CCDC93: variants seen among roughly 807,000 people sequenced by gnomAD.
CCDC93 encodes the protein coiled-coil domain-containing protein 93.
CCDC93 carries 61 observed loss-of-function variants against 108.2 expected under a neutral mutation model. The ratio of observed to expected loss-of-function variants is 0.56; its 90% CI spans 0.46 to 0.70. CCDC93 has a LOEUF of 0.70. Among genes scored for constraint, CCDC93 ranks in the 30% least tolerant of loss-of-function variants. CCDC93 has a pLI of 0.00. For synonymous variants in CCDC93, 276 were observed against 260.4 expected (o/e 1.06, Z -0.58); for missense variants, 685 against 764.2 (o/e 0.90, Z 1.22).
Position 117,956,691 on chromosome 2 carries a change from C to T in CCDC93, c.1005+1674G>A, listed in dbSNP as rs189464839. 2.8e-3 allele frequency among the ~76,000 whole-genome samples: 426 copies of T among 152,264 alleles called. 7 individuals are homozygous for T. Among genetic ancestry groups the T allele is most frequent in the Non-Finnish European group, 6.3e-4 (43 of 68,022 alleles). On this transcript the variant is annotated intron_variant, in intron 12 of 23. Transcript: ENST00000376300. ...ACAAATAACTGAACAGAAACCAAAT[C>T]ATAGGCTATCTTTTCATCCTTCTTT...
chr2:117,922,594 G>A (rs184273307), intron 23 of CCDC93, among the ~76,000 whole-genome samples: 73 of 152,258 alleles, frequency 4.8e-4, no homozygotes, highest in Admixed American at 8.5e-4. Context: ...ACCCAACAAA[G>A]GCAACCGCTA....
At chr2:117,984,277 A>G (rs1407654907) in intron 7 of CCDC93, among the ~76,000 whole-genome samples, 1 of 152,214 alleles carries the variant, frequency 6.6e-6, no homozygotes, top group South Asian at 2.1e-4. Flanking sequence ...AATTAGCAGA[A>G]GTCAGCATGA....
chr2:117,962,490 A>G (rs1679429033), intron 11 of CCDC93, among the ~76,000 whole-genome samples: 1 of 152,152 alleles, frequency 6.6e-6, no homozygotes, highest in South Asian at 2.1e-4. Context: ...TAAAAATACA[A>G]AAATTAGCCA....
At chr2:117,988,515 G>A (rs1455166285) in intron 6 of CCDC93, among the ~76,000 whole-genome samples, 1 of 152,156 alleles carries the variant, frequency 6.6e-6, no homozygotes, top group South Asian at 2.1e-4. Flanking sequence ...AACAGGAAGC[G>A]ATACTTTCCA....
chr2:117,920,421 A>G (rs772839898), intron 23 of CCDC93, 25 bp from the exon 24 acceptor site: 1 of 1,586,842 alleles, frequency 6.3e-7, no homozygotes, highest in South Asian at 1.1e-5. Flanking sequence ...GAGAGTATAG[A>G]GAGAGTGGTG....
rs183817377 is a variant in CCDC93 at position 117,982,744 on chromosome 2, C to T, written c.620+3225G>A. 6.8e-3 allele frequency among the ~76,000 whole-genome samples: 434 copies of T among 63,428 alleles called. 2 individuals are homozygous for T. The highest frequency in any genetic ancestry group is 0.01 in the Non-Finnish European group (311 of 30,826). The allele number at this position is 63,428 out of a possible 152,430, so 41.6% of individuals were successfully genotyped here. ...GATCTGGACTCCTAAAGCTGTGATG[C>T]CATAGTGTAGTGGGGGGGGGGGTGC... On this transcript the variant is annotated intron_variant, in intron 7 of 23. Transcript: ENST00000376300.
intron 23 of CCDC93, among the ~76,000 whole-genome samples, chr2:117,929,516 T>C (rs749583897): frequency 6.6e-5 from 10 of 152,230 alleles, no homozygotes; most frequent in African/African-American, 1.2e-4. Context: ...AGGGCAAGAA[T>C]GAGCTTTTCC....
rs148931090 is a variant in CCDC93, at chr2:117,951,209, T to C, written c.1068+1164A>G. 9.1e-6 allele frequency: 9 copies of C among 985,404 alleles called. No individual in the cohort carries two copies. The East Asian group carries it at 1.0e-3, about 112-fold the overall frequency. 61.0% of individuals were successfully genotyped at this position (985,404 alleles called of 1,614,324 possible). A position where few individuals can be genotyped will look rare whatever the true frequency, so the allele number is the denominator to read the frequency against. On this transcript the variant is annotated intron_variant, in intron 13 of 23. Coordinates refer to ENST00000376300, the MANE Select transcript of CCDC93 (RefSeq NM_019044.5). ...TTGGCAAACTTCATGCCAGGGGCTC[T>C]GCGGCATTAAAATATCACAGAGGGC...
At position 117,958,375 on chromosome 2, in the gene CCDC93, T is replaced by C. The variant is rs751965097; in HGVS notation, c.995A>G (p.His332Arg). ...AAAGAAAACACTGACCTCTTCAAGATGTTTGGTCTTTTGCGCAATCTGTTT... is the reference window on the plus strand; with the variant it reads ...AAAGAAAACACTGACCTCTTCAAGACGTTTGGTCTTTTGCGCAATCTGTTT... ...LNKQIAQKTKHLEELRASHTS... is the reference protein window; with the variant it reads ...LNKQIAQKTKRLEELRASHTS... The change falls in exon 12 of 24, where the codon CAT (histidine) becomes CGT (arginine). Residue 332 changes from histidine (H) to arginine (R), a missense_variant. His to Arg is a conservative substitution (Grantham distance 29). Transcript: ENST00000376300. 13 of 1,591,234 alleles carry C rather than the reference T, an allele frequency of 8.2e-6. No homozygotes were observed. The South Asian group carries it at 1.3e-4, about 16-fold the overall frequency.
chr2:117,952,128 G>A (rs1679075376), intron 13 of CCDC93, among the ~76,000 whole-genome samples: 1 of 151,538 alleles, frequency 6.6e-6, no homozygotes, highest in South Asian at 2.1e-4. Context: ...CCTGACCCTC[G>A]CAGCCCACAG....
intron 11 of CCDC93, among the ~76,000 whole-genome samples, chr2:117,966,815 C>T (rs1344441524): frequency 6.6e-6 from 1 of 152,216 alleles, no homozygotes; most frequent in Non-Finnish European, 1.5e-5. Flanking sequence ...GAATGATTCT[C>T]AGAATCAAAA....
At chr2:117,934,733 G>C (rs1050568120) in intron 22 of CCDC93, 1 of 152,104 alleles carries the variant, frequency 6.6e-6, no homozygotes, top group Non-Finnish European at 1.5e-5. Flanking sequence ...TCACTCACTG[G>C]AGCCCTCTGC....
intron 6 of CCDC93, among the ~76,000 whole-genome samples, chr2:117,989,655 G>A (rs1680418409): frequency 1.3e-5 from 2 of 152,150 alleles, no homozygotes; most frequent in Admixed American, 6.6e-5. Flanking sequence ...ATACCTCTCT[G>A]ACTTGAGGCA....
chr2:117,949,319 T>TA lies in CCDC93; in HGVS notation c.1142+2dup, dbSNP rs1558777903. On this transcript the variant is annotated splice_region_variant and intron_variant, in intron 14 of 23. Transcript: ENST00000376300. ...AAAATAAGCACATGCTGAAACCTCT[T>TA]ACCTTGGATCAGCTTTGGATTCTAT... 1 of 1,608,072 alleles carries TA rather than the reference T, an allele frequency of 6.2e-7. No homozygotes were observed. Among genetic ancestry groups the TA allele is most frequent in the South Asian group, 1.1e-5 (1 of 90,818 alleles).
At chr2:117,992,314 C>A (rs1452715451) in intron 6 of CCDC93, among the ~76,000 whole-genome samples, 1 of 152,164 alleles carries the variant, frequency 6.6e-6, no homozygotes, top group Admixed American at 6.5e-5. Flanking sequence ...ATAATCACAG[C>A]TCACTGCAGC....
rs978645504 is a variant in CCDC93 at position 117,919,848 on chromosome 2, A to C, written c.*495T>G. The C allele has an allele frequency of 6.6e-6, 1 of 152,448 alleles. No homozygotes were observed. Among genetic ancestry groups the C allele is most frequent in the African/African-American group, 2.4e-5 (1 of 41,398 alleles). 9.4% of individuals were successfully genotyped at this position (152,448 alleles called of 1,614,324 possible). A position where few individuals can be genotyped will look rare whatever the true frequency, so the allele number is the denominator to read the frequency against. ...CTAAATGCCTTCTGTTTACTGAAAA[A>C]CATCTTGGATAGCCCAGTTCTGCGG... On this transcript the variant is annotated 3_prime_UTR_variant, in exon 24 of 24. Coordinates refer to ENST00000376300, the MANE Select transcript of CCDC93 (RefSeq NM_019044.5).
rs576834157 is a variant in CCDC93 at position 117,976,535 on chromosome 2, A to G, written c.658-1255T>C. ...ACATGACTAAGTACCAATAACTAAT[A>G]CTGATATTAATAATAATGTTTATTA... On this transcript the variant is annotated intron_variant, in intron 8 of 23. Transcript: ENST00000376300. Among the ~76,000 whole-genome samples the G allele has an allele frequency of 3.9e-5, 6 of 152,290 alleles. No homozygotes were observed. The South Asian group carries it at 1.2e-3, about 32-fold the overall frequency.
intron 8 of CCDC93, 88 bp from the exon 9 acceptor site, chr2:117,975,368 GA>G: frequency 1.0e-6 from 1 of 962,536 alleles, no homozygotes; most frequent in Non-Finnish European, 1.6e-6. Flanking sequence ...ATGAGTCTGT[GA>G]AAAAAACACA....
At chr2:117,984,291 T>C (rs897740373) in intron 7 of CCDC93, among the ~76,000 whole-genome samples, 1 of 152,176 alleles carries the variant, frequency 6.6e-6, no homozygotes, top group African/African-American at 2.4e-5. Flanking sequence ...AGCATGACCA[T>C]ACCAACAGGA....
Sources: allele counts gnomAD v4.1 joint callset (sites outside exome capture counted in the v4.1 genomes callset), GRCh38; gene constraint gnomAD v4.1.1; transcripts MANE v1.5; gene names NCBI Gene and HGNC (gene_info 2026-07-23, HGNC 2026-07-21).